Variants in SEZ6L observed in about 807,000 individuals in gnomAD.
The protein encoded by SEZ6L is seizure related 6 homolog like.
A neutral mutation model predicts 106.2 loss-of-function variants in SEZ6L; 37 were observed. The observed-to-expected ratio is 0.35, with a 90% CI of 0.27 to 0.46. SEZ6L has a LOEUF of 0.46. Among genes scored for constraint, SEZ6L ranks in the 20% least tolerant of loss-of-function variants. SEZ6L has a pLI of 1.00. For missense variants in SEZ6L, 1,172 were observed against 1,332.8 expected (o/e 0.88, Z 1.88); for synonymous variants, 541 against 570.4 (o/e 0.95, Z 0.73).
intron 16 of SEZ6L, among the ~76,000 whole-genome samples, chr22:26,378,058 G>T (rs2084290299): frequency 6.6e-6 from 1 of 152,082 alleles, no homozygotes; most frequent in African/African-American, 2.4e-5. Context: ...ACCAACGGTG[G>T]CCTGGTGGCA....
intron 10 of SEZ6L, 99 bp from the exon 11 acceptor site, chr22:26,347,620 G>C (rs568668663): frequency 1.0e-6 from 1 of 1,003,448 alleles, no homozygotes; most frequent in East Asian, 3.0e-5. Flanking sequence ...ATTTCTAGAG[G>C]CTTTTTTTTC....
Position 26,305,959 on chromosome 22 carries a change from C to T in SEZ6L, c.1349-20C>T, listed in dbSNP as rs775989490. 6.3e-6 allele frequency: 10 copies of T among 1,593,806 alleles called. No homozygotes were observed. The Admixed American group carries it at 1.7e-4, about 27-fold the overall frequency. ...CCTCTCTGCTCTCTCCCATTGCCCA[C>T]CCACCCCTTTCTGGATCAGCTCCTT... On this transcript the variant is annotated intron_variant, in intron 5 of 16. Transcript: ENST00000248933.
At chr22:26,176,043 G>A (rs1938977946) in intron 1 of SEZ6L, among the ~76,000 whole-genome samples, 1 of 152,216 alleles carries the variant, frequency 6.6e-6, no homozygotes, top group African/African-American at 2.4e-5. Flanking sequence ...TAACACTGCT[G>A]TTTGCCATTG....
chr22:26,348,691 A>AAGCAAGC (rs2083142872), intron 11 of SEZ6L, among the ~76,000 whole-genome samples: 1 of 87,106 alleles, frequency 1.1e-5, no homozygotes, highest in African/African-American at 4.9e-5. Context: ...AGAAAGAAAG[A>AAGCAAGC]AAGAAAGAAA....
chr22:26,171,628 T>A (rs1938614183), intron 1 of SEZ6L, among the ~76,000 whole-genome samples: 1 of 152,260 alleles, frequency 6.6e-6, no homozygotes, highest in South Asian at 2.1e-4. Flanking sequence ...GTGTGTGTTT[T>A]AATTTTTAAG....
chr22:26,343,415 G>A (rs2145995962), intron 10 of SEZ6L, among the ~76,000 whole-genome samples: 1 of 151,672 alleles, frequency 6.6e-6, no homozygotes, highest in Admixed American at 6.6e-5. Context: ...GCAATATCTT[G>A]AAGAAGAAGT....
chr22:26,202,357 T>A (rs1941015058), intron 1 of SEZ6L, among the ~76,000 whole-genome samples: 3 of 152,174 alleles, frequency 2.0e-5, no homozygotes, highest in Non-Finnish European at 2.9e-5. Context: ...CACTTCCCCA[T>A]CCTCCTGAGC....
chr22:26,293,956 T>G (rs897997560), intron 2 of SEZ6L, among the ~76,000 whole-genome samples: 1 of 152,186 alleles, frequency 6.6e-6, no homozygotes, highest in African/African-American at 2.4e-5. Context: ...TGGGTCCAAA[T>G]CCTGCTTGCT....
chr22:26,248,487 T>C (rs1243705658), intron 1 of SEZ6L, among the ~76,000 whole-genome samples: 2 of 152,154 alleles, frequency 1.3e-5, no homozygotes, highest in Non-Finnish European at 2.9e-5. Flanking sequence ...CCCAAGTACC[T>C]GGGACCACCA....
At chr22:26,232,675 C>A (rs1297837162) in intron 1 of SEZ6L, among the ~76,000 whole-genome samples, 1 of 152,246 alleles carries the variant, frequency 6.6e-6, no homozygotes, top group Admixed American at 6.5e-5. Context: ...GAGCAATAGG[C>A]TACACCATCC....
intron 1 of SEZ6L, among the ~76,000 whole-genome samples, chr22:26,206,848 A>T (rs1257130378): frequency 1.3e-5 from 2 of 152,238 alleles, no homozygotes; most frequent in African/African-American, 4.8e-5. Context: ...CTTTCTGGAC[A>T]GAAAATTCAA....
At chr22:26,319,397 C>T (rs1569461244) in intron 9 of SEZ6L, among the ~76,000 whole-genome samples, 1 of 152,214 alleles carries the variant, frequency 6.6e-6, no homozygotes, top group Non-Finnish European at 1.5e-5. Flanking sequence ...TCTGCAATAG[C>T]TCCCTGTTTT....
At chr22:26,312,756 A>C (rs947758752) in intron 8 of SEZ6L, among the ~76,000 whole-genome samples, 6 of 152,134 alleles carry the variant, frequency 3.9e-5, no homozygotes, top group African/African-American at 1.4e-4. Flanking sequence ...TTTTAGTAGA[A>C]ACGGGGTTTC....
chr22:26,345,439 C>CAAAGCATTTGGCTCAAGG (rs542531598), intron 10 of SEZ6L, among the ~76,000 whole-genome samples: 91 of 152,294 alleles, frequency 6.0e-4, no homozygotes, highest in African/African-American at 2.0e-3. Context: ...TTCTCCGTCT[C>CAAAGCATTTGGCTCAAGG]AAAGCATTTG....
At chr22:26,213,972 A>G (rs1309446422) in intron 1 of SEZ6L, among the ~76,000 whole-genome samples, 1 of 152,254 alleles carries the variant, frequency 6.6e-6, no homozygotes, top group African/African-American at 2.4e-5. Context: ...GATTGGGCCC[A>G]CAGGACAAGC....
intron 1 of SEZ6L, among the ~76,000 whole-genome samples, chr22:26,199,313 A>G (rs1196687398): frequency 6.6e-6 from 1 of 152,204 alleles, no homozygotes; most frequent in Non-Finnish European, 1.5e-5. Flanking sequence ...ACAGCTCCCA[A>G]CTTCCAGCTA....
chr22:26,366,291 T>C (rs2083810073), intron 13 of SEZ6L, among the ~76,000 whole-genome samples: 1 of 151,392 alleles, frequency 6.6e-6, no homozygotes. Context: ...CCGAGGTGGC[T>C]CCACTGCACT....
chr22:26,315,352 G>A (rs1457592875), intron 9 of SEZ6L, among the ~76,000 whole-genome samples: 1 of 152,048 alleles, frequency 6.6e-6, no homozygotes, highest in Admixed American at 6.5e-5. Flanking sequence ...GGTGGCACAC[G>A]CCTGTGGTAC....
At chr22:26,210,527 C>T (rs1447747835) in intron 1 of SEZ6L, among the ~76,000 whole-genome samples, 1 of 152,116 alleles carries the variant, frequency 6.6e-6, no homozygotes, top group Non-Finnish European at 1.5e-5. Context: ...AATGTAATTC[C>T]GATGTCAGTG....
Sources: allele counts gnomAD v4.1 joint callset (sites outside exome capture counted in the v4.1 genomes callset), GRCh38; gene constraint gnomAD v4.1.1; transcripts MANE v1.5; gene names NCBI Gene and HGNC (gene_info 2026-07-23, HGNC 2026-07-21).